MBD5: variants seen among roughly 807,000 people sequenced by gnomAD.
The protein encoded by MBD5 is methyl-CpG binding domain protein 5, also known as methyl-CpG-binding domain protein 5.
A neutral mutation model predicts 117.3 loss-of-function variants in MBD5; 13 were observed. The observed-to-expected ratio is 0.11, with a 90% confidence interval of 0.07 to 0.18. The LOEUF (loss-of-function observed/expected upper bound fraction) is 0.18. Ranked by LOEUF, MBD5 falls within the 10% of genes least tolerant of loss-of-function variation. The probability of loss-of-function intolerance (pLI) is 1.00; values close to 1 mark genes in which losing one functional copy is unlikely to be tolerated. For missense variants in MBD5, 1,879 were observed against 2,093.8 expected, an observed-to-expected ratio of 0.90 and a Z score of 2.00; for synonymous variants, 727 against 766.4, an observed-to-expected ratio of 0.95 and a Z score of 0.85.
chr2:148,165,662 C>A (rs983478628), intron 1 of MBD5, among the ~76,000 whole-genome samples: 1 of 151,972 alleles, frequency 6.6e-6, no homozygotes, highest in South Asian at 2.1e-4. Context: ...TTTTATGTAA[C>A]ATATTTTTAT....
At chr2:148,142,481 A>G (rs911176627) in intron 1 of MBD5, among the ~76,000 whole-genome samples, 2 of 152,344 alleles carry the variant, frequency 1.3e-5, no homozygotes, top group Admixed American at 1.3e-4. Context: ...AGAATTCTAT[A>G]TCCAACCAAA....
At chr2:148,486,263 TC>T (rs1681337637) in intron 10 of MBD5, among the ~76,000 whole-genome samples, 1 of 152,170 alleles carries the variant, frequency 6.6e-6, no homozygotes, top group Non-Finnish European at 1.5e-5. Context: ...TGCCCACCTG[TC>T]CACCCTCTCC....
intron 4 of MBD5, among the ~76,000 whole-genome samples, chr2:148,445,126 CT>C (rs1706448225): frequency 6.6e-6 from 1 of 151,016 alleles, no homozygotes; most frequent in Admixed American, 6.6e-5. Context: ...CCTAGTTTTT[CT>C]TTTTTCTTTT....
intron 4 of MBD5, among the ~76,000 whole-genome samples, chr2:148,343,093 A>T (rs1031067629): frequency 6.6e-6 from 1 of 152,080 alleles, no homozygotes; most frequent in African/African-American, 2.4e-5. Flanking sequence ...ATGTTGCTGC[A>T]GAGAACATGA....
At chr2:148,365,480 A>C (rs1466222094) in intron 4 of MBD5, among the ~76,000 whole-genome samples, 1 of 152,188 alleles carries the variant, frequency 6.6e-6, no homozygotes, top group Non-Finnish European at 1.5e-5. Context: ...ACAAGAAATA[A>C]ACAAGATCAG....
intron 3 of MBD5, among the ~76,000 whole-genome samples, chr2:148,273,372 C>A (rs6726373): frequency 0.95 from 144,196 of 152,226 alleles, 68,762 homozygotes; most frequent in East Asian, 1. Flanking sequence ...CTATGGTTCA[C>A]GAGTCATGTA....
At chr2:148,341,999 C>T (rs1242331107) in intron 3 of MBD5, among the ~76,000 whole-genome samples, 1 of 151,744 alleles carries the variant, frequency 6.6e-6, no homozygotes, top group Non-Finnish European at 1.5e-5. Context: ...TATTATTAAA[C>T]ATATGAAAAT....
chr2:148,021,708 A>C, intron 1 of MBD5, 24 bp downstream of exon 1: 1 of 320,250 alleles, frequency 3.1e-6, no homozygotes, highest in Non-Finnish European at 6.3e-6. Flanking sequence ...TGGGGGCTTC[A>C]TTGCCTTCCT....
At chr2:148,179,129 C>T (rs1211221341) in intron 2 of MBD5, among the ~76,000 whole-genome samples, 9 of 151,924 alleles carry the variant, frequency 5.9e-5, no homozygotes, top group African/African-American at 1.7e-4. Flanking sequence ...CCGAGGCGGG[C>T]GGATCACGAG....
At chr2:148,176,553 C>T (rs571207088) in intron 1 of MBD5, among the ~76,000 whole-genome samples, 4 of 151,758 alleles carry the variant, frequency 2.6e-5, no homozygotes, top group Non-Finnish European at 4.4e-5. Context: ...GGATTGTAGG[C>T]GCACACCACC....
At chr2:148,297,996 C>T (rs559933308) in intron 3 of MBD5, among the ~76,000 whole-genome samples, 45 of 152,324 alleles carry the variant, frequency 3.0e-4, no homozygotes, top group African/African-American at 1.1e-3. Flanking sequence ...CAGCAGCCCA[C>T]TTTTCATGCA....
intron 3 of MBD5, among the ~76,000 whole-genome samples, chr2:148,259,170 C>T (rs1700671901): frequency 6.6e-6 from 1 of 152,160 alleles, no homozygotes; most frequent in Non-Finnish European, 1.5e-5. Flanking sequence ...CCCACATAGT[C>T]CGTATGGCTG....
intron 2 of MBD5, among the ~76,000 whole-genome samples, chr2:148,180,116 G>T (rs543240559): frequency 6.6e-6 from 1 of 151,308 alleles, no homozygotes; most frequent in Admixed American, 6.6e-5. Context: ...ACTGTTTAAT[G>T]ATTTTTGCCA....
At chr2:148,293,725 T>C (rs1468421770) in intron 3 of MBD5, among the ~76,000 whole-genome samples, 1 of 152,194 alleles carries the variant, frequency 6.6e-6, no homozygotes, top group African/African-American at 2.4e-5. Context: ...CATGCATTCA[T>C]TCACCATTAA....
chr2:148,472,807 ATCG>A (rs1269699686), intron 8 of MBD5, among the ~76,000 whole-genome samples: 2 of 152,186 alleles, frequency 1.3e-5, no homozygotes, highest in Non-Finnish European at 2.9e-5. Flanking sequence ...ATAGCTATCT[ATCG>A]TCAAGTACCT....
chr2:148,473,021 A>G (rs1680845898), intron 8 of MBD5, among the ~76,000 whole-genome samples: 1 of 152,132 alleles, frequency 6.6e-6, no homozygotes, highest in South Asian at 2.1e-4. Context: ...AGCTGCATAA[A>G]TTCTTCATCT....
chr2:148,197,794 G>GTTTT (rs56029734), intron 2 of MBD5, among the ~76,000 whole-genome samples: 1 of 102,546 alleles, frequency 9.8e-6, no homozygotes, highest in Non-Finnish European at 1.9e-5. Flanking sequence ...AGCATCTGAG[G>GTTTT]TTTTTTTTTT....
At chr2:148,443,777 G>A (rs1419615830) in intron 4 of MBD5, among the ~76,000 whole-genome samples, 1 of 151,142 alleles carries the variant, frequency 6.6e-6, no homozygotes, top group East Asian at 1.9e-4. Flanking sequence ...GGGAGAGGTG[G>A]GGATGGCTAA....
chr2:148,109,710 G>A (rs1007690745), intron 1 of MBD5, among the ~76,000 whole-genome samples: 6 of 152,108 alleles, frequency 3.9e-5, no homozygotes, highest in African/African-American at 1.4e-4. Context: ...TAAAGCTGTA[G>A]GTTTTTGTTT....
Sources: allele counts gnomAD v4.1 joint callset (sites outside exome capture counted in the v4.1 genomes callset), GRCh38; gene constraint gnomAD v4.1.1; transcripts MANE v1.5; gene names NCBI Gene and HGNC (gene_info 2026-07-23, HGNC 2026-07-21).